Variants in TNPO3 observed in about 807,000 individuals in gnomAD.
TNPO3 encodes the protein transportin-3.
In TNPO3, 65 loss-of-function variants were observed where a neutral mutation model predicts 122.8. The ratio of observed to expected loss-of-function variants is 0.53; its 90% CI spans 0.43 to 0.65. The LOEUF is 0.65. TNPO3 is among the 30% of genes least tolerant of loss of function. The pLI, the probability that TNPO3 is intolerant of heterozygous loss-of-function variation, is 0.00. For synonymous variants in TNPO3, 372 were observed against 411.2 expected, an observed-to-expected ratio of 0.90 and a Z score of 1.15; for missense variants, 850 against 1,136.7, an observed-to-expected ratio of 0.75 and a Z score of 3.63.
chr7:129,015,176 A>G, intron 3 of TNPO3, 41 bp from the exon 4 acceptor site: 1 of 1,589,744 alleles, frequency 6.3e-7, no homozygotes, highest in Non-Finnish European at 8.5e-7. Flanking sequence ...TTATAGCCAG[A>G]AAATACACAA....
At chr7:128,992,966 ATCTG>A (rs1369235083) in intron 9 of TNPO3, among the ~76,000 whole-genome samples, 1 of 150,224 alleles carries the variant, frequency 6.7e-6, no homozygotes, top group Non-Finnish European at 1.5e-5. Context: ...AGCAGAGGTC[ATCTG>A]TCTAAGATCC....
At chr7:128,985,055 T>C (rs780474501) in intron 12 of TNPO3, among the ~76,000 whole-genome samples, 4 of 152,190 alleles carry the variant, frequency 2.6e-5, no homozygotes, top group Non-Finnish European at 5.9e-5. Flanking sequence ...GGATTACGTA[T>C]TAGCCTAGGT....
chr7:129,005,596 A>AC (rs1194153077), intron 4 of TNPO3, among the ~76,000 whole-genome samples: 1 of 148,496 alleles, frequency 6.7e-6, no homozygotes. Context: ...GTGTAGCACC[A>AC]CCCCCCTCCT....
chr7:129,027,938 C>T lies in TNPO3; in HGVS notation c.121-9781G>A, dbSNP rs546200821. Among the ~76,000 whole-genome samples, 10 of 152,232 alleles carry T rather than the reference C, an allele frequency of 6.6e-5. 1 individual carries two copies. In the South Asian group the frequency reaches 2.1e-3, roughly 32 times the overall value. On this transcript the variant is annotated intron_variant, in intron 1 of 22. Transcript: ENST00000265388. Reference sequence around the variant, plus strand: ...TTAAAAAGACTGATACGTTAGGCCACAAAATAAGTCTTAATAAATTTTCAA... The same window carrying T: ...TTAAAAAGACTGATACGTTAGGCCATAAAATAAGTCTTAATAAATTTTCAA...
rs562191019 is a variant in TNPO3 at position 129,005,552 on chromosome 7, A to G, written c.553-393T>C. Among the ~76,000 whole-genome samples, 25 of 152,068 alleles carry G rather than the reference A, an allele frequency of 1.6e-4. 1 individual carries two copies. The South Asian group carries it at 5.0e-3, about 30-fold the overall frequency. ...GAACATCCCCCTTGCTGTTCTTGTG[A>G]TAGAGTTCTCACGAGATCTGGTTGT... On this transcript the variant is annotated intron_variant, in intron 4 of 22. Coordinates refer to ENST00000265388, the MANE Select transcript of TNPO3 (RefSeq NM_012470.4).
chr7:128,995,134 T>C (rs1441045125), intron 8 of TNPO3, among the ~76,000 whole-genome samples: 2 of 152,182 alleles, frequency 1.3e-5, no homozygotes, highest in African/African-American at 4.8e-5. Context: ...TGGACAGATA[T>C]AAAAAACAAG....
At chr7:128,964,637 C>G (rs1185707575) in intron 21 of TNPO3, among the ~76,000 whole-genome samples, 1 of 151,924 alleles carries the variant, frequency 6.6e-6, no homozygotes, top group African/African-American at 2.4e-5. Context: ...GCCTGGCCAC[C>G]AAAACAATCT....
chr7:128,970,123 A>G (rs753416013), intron 20 of TNPO3, 25 bp downstream of exon 20: 42 of 1,613,804 alleles, frequency 2.6e-5, no homozygotes, highest in Non-Finnish European at 3.3e-5. Flanking sequence ...ACTATGAGAT[A>G]AATTCCTCAT....
At chr7:129,005,567 G>A (rs560271495) in intron 4 of TNPO3, among the ~76,000 whole-genome samples, 16 of 152,138 alleles carry the variant, frequency 1.1e-4, no homozygotes, top group African/African-American at 3.9e-4. Context: ...GTTCTCACGA[G>A]ATCTGGTTGT....
rs1276011113 is a variant in TNPO3 at position 128,982,247 on chromosome 7, C to G, written c.1859+1G>C. 6.2e-7 allele frequency: 1 copy of G among 1,612,354 alleles called. No individual in the cohort carries two copies. Among genetic ancestry groups the G allele is most frequent in the Non-Finnish European group, 8.5e-7 (1 of 1,178,860 alleles). On this transcript the variant is annotated splice_donor_variant, in intron 14 of 22. Transcript: ENST00000265388. LOFTEE classifies it high-confidence loss of function. ...AAGGCATCCAGAGTCTCCTTTCTTA[C>G]CTAAATATCACTGCAAGGCGATCTA...
At chr7:129,044,284 T>C (rs557681844) in intron 1 of TNPO3, among the ~76,000 whole-genome samples, 1 of 152,366 alleles carries the variant, frequency 6.6e-6, no homozygotes, top group East Asian at 1.9e-4. Context: ...TATGTTTTCA[T>C]GTCTAGTTCC....
At chr7:128,990,191 A>C in intron 10 of TNPO3, 91 bp from the exon 11 acceptor site, 1 of 1,389,080 alleles carries the variant, frequency 7.2e-7, no homozygotes, top group Admixed American at 1.7e-5. Context: ...AGCATTGCTA[A>C]AGGGCTTCTT....
Position 128,974,881 on chromosome 7 carries a change from G to A in TNPO3, c.2260C>T (p.Arg754Trp), listed in dbSNP as rs748991005. The stretch of plus-strand genomic sequence containing the variant: ...AGAAGGATTTACCTGGTGGCTAGCC[G>A]GAACAGGTCATCTACAGTGTCAGGG... ...NHPDTVDDLF[R>W]LATRFIQRSP... The change falls in exon 18 of 23, where the codon CGG (arginine) becomes TGG (tryptophan). Residue 754 changes from arginine to tryptophan, a missense_variant. By Grantham distance (101) the Arg-to-Trp change is moderately radical. Transcript: ENST00000265388. 7 of 1,614,024 alleles carry A rather than the reference G, an allele frequency of 4.3e-6. No individual in the cohort carries two copies. Among genetic ancestry groups the A allele is most frequent in the African/African-American group, 1.3e-5 (1 of 75,030 alleles).
chr7:128,963,522 C>G (rs1205763727), intron 21 of TNPO3, among the ~76,000 whole-genome samples: 1 of 152,178 alleles, frequency 6.6e-6, no homozygotes, highest in East Asian at 1.9e-4. Flanking sequence ...TATATGCCTA[C>G]CCAGTGGAGG....
chr7:129,032,997 C>A (rs1270018396), intron 1 of TNPO3, among the ~76,000 whole-genome samples: 1 of 152,100 alleles, frequency 6.6e-6, no homozygotes, highest in Non-Finnish European at 1.5e-5. Context: ...TAAAGATGGA[C>A]ACACAGACCA....
chr7:129,049,441 C>G (rs1563114763), intron 1 of TNPO3, among the ~76,000 whole-genome samples: 3 of 152,084 alleles, frequency 2.0e-5, no homozygotes, highest in Non-Finnish European at 2.9e-5. Context: ...TATAAAATGA[C>G]TAGAATGATA....
intron 1 of TNPO3, among the ~76,000 whole-genome samples, chr7:129,053,944 C>T (rs936654800): frequency 5.9e-5 from 9 of 152,106 alleles, no homozygotes; most frequent in Non-Finnish European, 8.8e-5. Flanking sequence ...GATGCACACA[C>T]AGTTTTATAT....
At position 128,997,608 on chromosome 7, in the gene TNPO3, G is replaced by A. The variant is rs1331450650; in HGVS notation, c.1012-73C>T. 40 of 1,237,100 alleles carry A rather than the reference G, an allele frequency of 3.2e-5. No homozygotes were observed. The East Asian group carries it at 4.5e-4, about 14-fold the overall frequency. The allele number at this position is 1,237,100 out of a possible 1,614,324, so 76.6% of individuals were successfully genotyped here. On this transcript the variant is annotated intron_variant, in intron 7 of 22. Transcript: ENST00000265388. The stretch of plus-strand genomic sequence containing the variant: ...TAAGAAGACATTTTATTATCACCAC[G>A]ACCATATAGGAAGAAAGATATATTT...
Position 128,970,229 on chromosome 7 carries a change from G to A in TNPO3, c.2517C>T (p.His839=), listed in dbSNP as rs1798323201. The A allele has an allele frequency of 2.5e-6, 4 of 1,614,146 alleles. No homozygotes were observed. Among genetic ancestry groups the A allele is most frequent in the South Asian group, 1.1e-5 (1 of 91,072 alleles). ...AGGGGGGGAGGCAAAAGCAGCAGGTGTGCAGCAGCTGGCTGACAAGCTGCT... is the reference window on the plus strand; with the variant it reads ...AGGGGGGGAGGCAAAAGCAGCAGGTATGCAGCAGCTGGCTGACAAGCTGCT... ...LGQQLVSQLL[H]TCCFCLPPYT... The change falls in exon 20 of 23, where the codon CAC becomes CAT. Residue 839 remains histidine (H), a synonymous_variant. Transcript: ENST00000265388.
Sources: gnomAD v4.1 joint callset for allele counts (sites outside exome capture counted in the v4.1 genomes callset) on GRCh38, gnomAD v4.1.1 for gene constraint, MANE v1.5 for transcripts, NCBI Gene and HGNC (gene_info 2026-07-23, HGNC 2026-07-21) for gene names.